DOCK2: variants seen among roughly 807,000 people sequenced by gnomAD.
DOCK2 encodes dedicator of cytokinesis 2.
Under a neutral mutation model 248.9 loss-of-function variants are expected in DOCK2, and 87 were observed. The ratio of observed to expected loss-of-function variants is 0.35; its 90% CI spans 0.29 to 0.42. The LOEUF (loss-of-function observed/expected upper bound fraction) is 0.42, where lower values mean the gene tolerates loss of function less well. Among genes scored for constraint, DOCK2 ranks in the 10% least tolerant of loss-of-function variants. The probability of loss-of-function intolerance (pLI) is 1.00; values close to 1 mark genes in which losing one functional copy is unlikely to be tolerated. For synonymous variants in DOCK2, 805 were observed against 821.6 expected, an observed-to-expected ratio of 0.98 and a Z score of 0.35; for missense variants, 1,747 against 2,300.2, an observed-to-expected ratio of 0.76 and a Z score of 4.92.
At chr5:169,875,000 T>A (rs1230711294) in intron 27 of DOCK2, among the ~76,000 whole-genome samples, 1 of 152,114 alleles carries the variant, frequency 6.6e-6, no homozygotes, top group Non-Finnish European at 1.5e-5. Flanking sequence ...ATTAGGTCTA[T>A]ATATGATCAT....
At chr5:169,877,613 G>C (rs1772404733) in intron 27 of DOCK2, among the ~76,000 whole-genome samples, 1 of 152,060 alleles carries the variant, frequency 6.6e-6, no homozygotes, top group African/African-American at 2.4e-5. Context: ...AGTTGCCTTG[G>C]GATATGAAGT....
intron 22 of DOCK2, among the ~76,000 whole-genome samples, chr5:169,734,789 G>A (rs1000484365): frequency 6.6e-6 from 1 of 152,164 alleles, no homozygotes; most frequent in Non-Finnish European, 1.5e-5. Flanking sequence ...AACAAACTGG[G>A]AAACCAGCTT....
intron 27 of DOCK2, among the ~76,000 whole-genome samples, chr5:169,929,962 A>G (rs6896240): frequency 0.62 from 94,678 of 152,000 alleles, 30,663 homozygotes; most frequent in African/African-American, 0.82. Context: ...ATGTGACTGA[A>G]GAATAGAACT....
intron 7 of DOCK2, among the ~76,000 whole-genome samples, chr5:169,682,773 C>T (rs1759738212): frequency 6.6e-6 from 1 of 152,118 alleles, no homozygotes; most frequent in African/African-American, 2.4e-5. Context: ...ATAAAGAACA[C>T]TTCCATCACC....
At chr5:169,810,361 T>C (rs1767661937) in intron 26 of DOCK2, among the ~76,000 whole-genome samples, 1 of 152,220 alleles carries the variant, frequency 6.6e-6, no homozygotes. Context: ...GTTCTGTGTG[T>C]GTATATGCGT....
chr5:170,042,282 C>T, intron 38 of DOCK2, 150 bp downstream of exon 38: 5 of 1,055,958 alleles, frequency 4.7e-6, no homozygotes, highest in Non-Finnish European at 6.7e-6. Flanking sequence ...TCTCCATCTC[C>T]ATTCCTTCCA....
At position 169,758,143 on chromosome 5, in the gene DOCK2, T is replaced by C. The variant is rs574168385; in HGVS notation, c.2377-1562T>C. ...CAGGGGTGGGCTGAAGAAGGTATAA[T>C]GTACCCATTTGAGCAGTGCTGGGCA... On this transcript the variant is annotated intron_variant, in intron 23 of 51. Transcript: ENST00000520908. Among the ~76,000 whole-genome samples the C allele has an allele frequency of 2.0e-5, 3 of 152,310 alleles. No homozygotes were observed. The South Asian group carries it at 6.2e-4, about 32-fold the overall frequency.
chr5:169,836,849 GCCACATTT>G (rs1769610934), intron 26 of DOCK2, among the ~76,000 whole-genome samples: 1 of 152,174 alleles, frequency 6.6e-6, no homozygotes, highest in South Asian at 2.1e-4. Flanking sequence ...AAAAAAAAAG[GCCACATTT>G]TTTATATAAT....
chr5:169,815,216 A>G (rs996259665), intron 26 of DOCK2, among the ~76,000 whole-genome samples: 4 of 152,190 alleles, frequency 2.6e-5, no homozygotes, highest in African/African-American at 9.7e-5. Context: ...GGCATTGCTT[A>G]GGGATGGTCT....
At chr5:169,805,215 A>G (rs34758628) in intron 26 of DOCK2, among the ~76,000 whole-genome samples, 17,423 of 130,784 alleles carry the variant, frequency 0.13, 1,333 homozygotes, top group South Asian at 0.17. Flanking sequence ...CTCTGTCTCT[A>G]CAAAAAAAAA....
intron 22 of DOCK2, among the ~76,000 whole-genome samples, chr5:169,722,905 C>G (rs931749436): frequency 1.3e-5 from 2 of 152,184 alleles, no homozygotes; most frequent in Admixed American, 6.5e-5. Flanking sequence ...TACCAGGTGT[C>G]TGTGCTTTTT....
At chr5:170,041,936 T>A (rs1756532035) in intron 37 of DOCK2, 77 bp from the exon 38 acceptor site, 3 of 1,540,306 alleles carry the variant, frequency 1.9e-6, no homozygotes, top group African/African-American at 1.4e-5. Context: ...GGGTGGTTCC[T>A]GCCTTTAATC....
intron 22 of DOCK2, among the ~76,000 whole-genome samples, chr5:169,738,037 C>T (rs1265931180): frequency 6.6e-6 from 1 of 152,156 alleles, no homozygotes; most frequent in African/African-American, 2.4e-5. Context: ...ATCTGACTCT[C>T]TCCAGGTAGA....
At chr5:169,887,451 C>T (rs1337683065) in intron 27 of DOCK2, among the ~76,000 whole-genome samples, 2 of 152,088 alleles carry the variant, frequency 1.3e-5, no homozygotes, top group African/African-American at 2.4e-5. Flanking sequence ...CTAGCCTTCT[C>T]CCTGTGCAAT....
intron 23 of DOCK2, among the ~76,000 whole-genome samples, chr5:169,751,722 C>T (rs949335513): frequency 6.6e-6 from 1 of 152,166 alleles, no homozygotes; most frequent in African/African-American, 2.4e-5. Flanking sequence ...GTGGCAGCAG[C>T]TCACCAAGAC....
chr5:169,911,320 T>C (rs261006), intron 27 of DOCK2, among the ~76,000 whole-genome samples: 64,770 of 151,896 alleles, frequency 0.43, 15,086 homozygotes, highest in African/African-American at 0.62. Context: ...CAATCGTGTA[T>C]GAATTTCTGT....
intron 28 of DOCK2, among the ~76,000 whole-genome samples, chr5:169,984,413 GTAC>G (rs1335328999): frequency 1.3e-5 from 2 of 152,138 alleles, no homozygotes; most frequent in African/African-American, 4.8e-5. Flanking sequence ...ACCAGGCTCT[GTAC>G]TAAGCATGTG....
chr5:169,976,121 A>T (rs975001387), intron 27 of DOCK2, among the ~76,000 whole-genome samples: 1 of 152,210 alleles, frequency 6.6e-6, no homozygotes, highest in Admixed American at 6.5e-5. Context: ...AATAAATTCA[A>T]TCTCCCATCT....
chr5:170,076,571 C>T (rs76262624), intron 47 of DOCK2, among the ~76,000 whole-genome samples: 5,903 of 152,278 alleles, frequency 0.039, 187 homozygotes, highest in Middle Eastern at 0.092. Flanking sequence ...TGATTTTGAC[C>T]GCTGAGCTCC....
Sources: allele counts gnomAD v4.1 joint callset (sites outside exome capture counted in the v4.1 genomes callset), GRCh38; gene constraint gnomAD v4.1.1; transcripts MANE v1.5; gene names NCBI Gene and HGNC (gene_info 2026-07-23, HGNC 2026-07-21).